The following UPK3B variants were observed in gnomAD, a reference collection of about 807,000 sequenced individuals.
UPK3B encodes uroplakin-3b.
In UPK3B, 21 loss-of-function variants were observed where a neutral mutation model predicts 27.6. The ratio of observed to expected loss-of-function variants is 0.76; its 90% CI spans 0.54 to 1.10. The LOEUF is 1.10. Ranked by LOEUF, UPK3B falls within the 50% of genes least tolerant of loss-of-function variation. The pLI is 0.00. For synonymous variants in UPK3B, 141 were observed against 162.3 expected (o/e 0.87, Z 1.00); for missense variants, 306 against 376.1 (o/e 0.81, Z 1.54).
chr7:76,513,893 C>G, intron 4 of UPK3B, 54 bp from the exon 5 acceptor site: 1 of 1,608,454 alleles, frequency 6.2e-7, no homozygotes, highest in African/African-American at 1.3e-5. Context: ...GAGGAGATGA[C>G]AGCCAGCCCT....
At position 76,515,087 on chromosome 7, in the gene UPK3B, G is replaced by A. The variant is rs1383316376; in HGVS notation, c.714G>A (p.Arg238=). 4 of 1,600,166 alleles carry A rather than the reference G, an allele frequency of 2.5e-6. No homozygotes were observed. Among genetic ancestry groups the A allele is most frequent in the East Asian group, 2.3e-5 (1 of 44,308 alleles). ...CGGAGGAGGCCCCGGAGCAGCTGCG[G>A]ATCGGCTCCTTCATGGGCAAGCGCT... ...WWPEEAPEQL[R]IGSFMGKRYM... is the part of the protein sequence containing the mutation. The change falls in exon 6 of 6, where the codon CGG becomes CGA. Residue 238 remains arginine (R), a synonymous_variant. Coordinates refer to ENST00000334348, the MANE Select transcript of UPK3B (RefSeq NM_001347684.2).
Position 76,511,828 on chromosome 7 carries a change from G to T in UPK3B, c.407G>T (p.Gly136Val). Residue 136 changes from glycine (G) to valine (V), a missense_variant, in exon 3 of 6, where the codon GGC becomes GTC. By Grantham distance (109) the Gly-to-Val change is moderately radical. This residue lies in a region of UPK3B where 78 missense variants were observed against 120.2 expected (regional missense o/e 0.65). Coordinates refer to ENST00000334348, the MANE Select transcript of UPK3B (RefSeq NM_001347684.2). ...GTGCTGCGGGTGGGCCATGACCACG[G>T]CTGCCACCAGCAGCCCTTCTGCAAC... ...APVLRVGHDH[G>V]CHQQPFCNAP... 6.7e-7 allele frequency: 1 copy of T among 1,492,802 alleles called. No homozygotes were observed. Among genetic ancestry groups the T allele is most frequent in the East Asian group, 2.5e-5 (1 of 40,402 alleles). The allele number at this position is 1,492,802 out of a possible 1,614,324, so 92.5% of individuals were successfully genotyped here. A position where few individuals can be genotyped will look rare whatever the true frequency, so the allele number is the denominator to read the frequency against.
At position 76,511,042 on chromosome 7, in the gene UPK3B, C is replaced by G. The variant is rs775045631; in HGVS notation, c.225C>G (p.Ala75=). 16 of 1,602,252 alleles carry G rather than the reference C, an allele frequency of 1.0e-5. No homozygotes were observed. Among genetic ancestry groups the G allele is most frequent in the Non-Finnish European group, 1.7e-6 (2 of 1,174,064 alleles). The change falls in exon 2 of 6, where the codon GCC becomes GCG. Residue 75 remains alanine (A), a synonymous_variant. Transcript: ENST00000334348. ...SASDTVWLVV[A]FSNASRGFQN... is the part of the protein sequence containing the mutation. ...GCGATACCGTCTGGCTCGTGGTGGCCTTCAGCAATGGTACGGGGACTGCTG... is the reference window on the plus strand; with the variant it reads ...GCGATACCGTCTGGCTCGTGGTGGCGTTCAGCAATGGTACGGGGACTGCTG...
chr7:76,512,228 C>G (rs1163171902), intron 3 of UPK3B, among the ~76,000 whole-genome samples: 4 of 144,544 alleles, frequency 2.8e-5, no homozygotes, highest in Middle Eastern at 3.3e-3. Flanking sequence ...CGGTATTAGG[C>G]AGGGAGCAGG....
Position 76,511,003 on chromosome 7 carries a change from G to C in UPK3B, c.186G>C (p.Gly62=). 1 of 1,596,600 alleles carries C rather than the reference G, an allele frequency of 6.3e-7. No individual in the cohort carries two copies. Among genetic ancestry groups the C allele is most frequent in the Non-Finnish European group, 8.5e-7 (1 of 1,172,268 alleles). ...SLEQPRCVFD[G]LASASDTVWL... ...AGCAGCCGCGCTGTGTCTTCGATGG[G>C]CTTGCCAGCGCCAGCGATACCGTCT... The change falls in exon 2 of 6, where the codon GGG becomes GGC. Residue 62 remains glycine, a synonymous_variant. Transcript: ENST00000334348.
chr7:76,513,855 G>T, intron 4 of UPK3B, 92 bp from the exon 5 acceptor site: 1 of 1,584,092 alleles, frequency 6.3e-7, no homozygotes, highest in Non-Finnish European at 8.6e-7. Context: ...CTTGAAGCTA[G>T]GCCAGCGTGG....
At chr7:76,511,415 G>GCTGGGT (rs1190691513) in intron 2 of UPK3B, 1 of 961,030 alleles carries the variant, frequency 1.0e-6, no homozygotes, top group East Asian at 2.7e-5. Context: ...TGGGGCTGGG[G>GCTGGGT]CTGGGCAGGT....
intron 3 of UPK3B, among the ~76,000 whole-genome samples, chr7:76,512,866 G>T (rs1394076333): frequency 6.6e-6 from 1 of 152,026 alleles, no homozygotes; most frequent in African/African-American, 2.4e-5. Flanking sequence ...GAGAGCAATT[G>T]CTCGGGGGGA....
rs778896713 is a variant in UPK3B, at chr7:76,514,061, C to A, written c.656C>A (p.Ala219Asp). The change falls in exon 5 of 6, where the codon GCC (alanine) becomes GAC (aspartate). Residue 219 changes from alanine (A) to aspartate (D), a missense_variant. Physicochemically the swap from Ala to Asp is moderately radical, Grantham distance 126. Around this residue, in one of 4 missense-constraint regions of UPK3B, gnomAD observed 174 missense variants for 166.6 expected, o/e 1.04. Transcript: ENST00000334348. ...AGLLLLAFLA[A>D]STMRFSSLWW... ...CTCCTACTCTTGGCCTTCTTGGCAG[C>A]CTCTACCATGCGCTTGTGAGTGGGG... 1 of 1,613,900 alleles carries A rather than the reference C, an allele frequency of 6.2e-7. No individual in the cohort carries two copies. Among genetic ancestry groups the A allele is most frequent in the Non-Finnish European group, 8.5e-7 (1 of 1,179,960 alleles).
In UPK3B at chr7:76,510,943, G is replaced by A. The variant is rs1405654980; in HGVS notation, c.126G>A (p.Leu42=). 1.3e-6 allele frequency: 2 copies of A among 1,584,566 alleles called. No individual in the cohort carries two copies. Among genetic ancestry groups the A allele is most frequent in the Admixed American group, 3.6e-5 (2 of 55,042 alleles). ...CACCACAGATAACAGCTTGGGACCT[G>A]GAAGGGAAGGTCACAGCCACCACCT... ...PYTPQITAWD[L]EGKVTATTFS... Residue 42 remains leucine (L), a synonymous_variant, in exon 2 of 6, where the codon CTG becomes CTA. Coordinates refer to ENST00000334348, the MANE Select transcript of UPK3B (RefSeq NM_001347684.2).
chr7:76,512,974 C>A, intron 3 of UPK3B, 110 bp from the exon 4 acceptor site: 1 of 842,218 alleles, frequency 1.2e-6, no homozygotes, highest in East Asian at 2.6e-5. Flanking sequence ...GGCACCCCCA[C>A]TCCACATCCA....
intron 4 of UPK3B, among the ~76,000 whole-genome samples, 195 bp downstream of exon 4, chr7:76,513,358 C>G (rs2116681480): frequency 6.6e-6 from 1 of 152,302 alleles, no homozygotes; most frequent in East Asian, 1.9e-4. Context: ...GGGGCACCAT[C>G]TCGGCCCATC....
rs569997523 is a variant in UPK3B, at chr7:76,516,453, G to A, written c.*1249G>A. ...CTCCCGGCATGCAGGCCCTGCCAGC[G>A]GAGGGAGCCCGGTGGTGACCCTTGG... On this transcript the variant is annotated 3_prime_UTR_variant, in exon 6 of 6. Transcript: ENST00000334348. The A allele has an allele frequency of 2.6e-3, 1,583 of 612,092 alleles. 601 individuals are homozygous for A. Among genetic ancestry groups the A allele is most frequent in the Non-Finnish European group, 2.9e-3 (1,544 of 530,004 alleles). The allele number at this position is 612,092 out of a possible 1,614,324, so 37.9% of individuals were successfully genotyped here.
intron 4 of UPK3B, 125 bp downstream of exon 4, chr7:76,513,288 C>A: frequency 1.1e-6 from 1 of 907,674 alleles, no homozygotes; most frequent in Non-Finnish European, 1.7e-6. Context: ...CCAAGTCGGG[C>A]CCAGCCCCCA....
chr7:76,510,775 C>A, intron 1 of UPK3B, 38 bp downstream of exon 1: 1 of 1,578,622 alleles, frequency 6.3e-7, no homozygotes, highest in Non-Finnish European at 8.6e-7. Flanking sequence ...CCAGCCAGAC[C>A]CAAGGGGCTG....
chr7:76,515,030 C>G lies in UPK3B; in HGVS notation c.672-15C>G. ...GCAGGGACATATGTCTCTTCCTCCT[C>G]CTCTCCCCGCCCAGCTCCAGCCTGT... On this transcript the variant is annotated splice_polypyrimidine_tract_variant and intron_variant, in intron 5 of 5. Transcript: ENST00000334348. The G allele has an allele frequency of 6.4e-7, 1 of 1,560,830 alleles. No individual in the cohort carries two copies. The highest frequency in any genetic ancestry group is 8.7e-7 in the Non-Finnish European group (1 of 1,152,940).
chr7:76,514,953 A>T, intron 5 of UPK3B, 92 bp from the exon 6 acceptor site: 3 of 1,383,400 alleles, frequency 2.2e-6, no homozygotes, highest in Non-Finnish European at 2.0e-6. Context: ...ACTACACATG[A>T]GGGAGCTGGG....
intron 4 of UPK3B, 143 bp downstream of exon 4, chr7:76,513,306 C>T: frequency 2.6e-6 from 2 of 781,726 alleles, no homozygotes; most frequent in Non-Finnish European, 4.1e-6. Flanking sequence ...CCAACAGAAC[C>T]TCATGCTGGG....
chr7:76,513,224 T>C, intron 4 of UPK3B, 61 bp downstream of exon 4: 20 of 1,487,952 alleles, frequency 1.3e-5, no homozygotes, highest in Non-Finnish European at 1.9e-5. Flanking sequence ...GGGCCGCCTC[T>C]GCTGAGCTGG....
Sources: allele counts gnomAD v4.1 joint callset (sites outside exome capture counted in the v4.1 genomes callset), GRCh38; gene constraint gnomAD v4.1.1; regional missense constraint gnomAD v4.1.1; transcripts MANE v1.5; gene names NCBI Gene and HGNC (gene_info 2026-07-23, HGNC 2026-07-21).